The following GPM6A variants were observed in gnomAD, a reference collection of about 807,000 sequenced individuals.
GPM6A encodes the protein neuronal membrane glycoprotein M6-a.
GPM6A carries 7 observed loss-of-function variants against 32.1 expected under a neutral mutation model. That is an observed-to-expected ratio of 0.22 (90% CI 0.12 to 0.41). GPM6A has a LOEUF of 0.41. GPM6A is among the 10% of genes least tolerant of loss of function. GPM6A has a pLI of 1.00. For missense variants in GPM6A, 235 were observed against 347.2 expected (o/e 0.68, Z 2.57); for synonymous variants, 130 against 123.4 (o/e 1.05, Z -0.35).
chr4:175,662,331 G>A (rs1742472901), intron 3 of GPM6A, among the ~76,000 whole-genome samples: 2 of 152,112 alleles, frequency 1.3e-5, no homozygotes, highest in South Asian at 4.1e-4. Flanking sequence ...CAGGCTCGGT[G>A]GCTCACACCT....
At chr4:175,721,533 C>T (rs577390054) in intron 1 of GPM6A, among the ~76,000 whole-genome samples, 116 of 151,400 alleles carry the variant, frequency 7.7e-4, no homozygotes, top group Non-Finnish European at 1.4e-3. Flanking sequence ...TGGTAAGGGG[C>T]GAAGGACTGG....
intron 1 of GPM6A, among the ~76,000 whole-genome samples, chr4:175,801,452 A>G (rs1734469053): frequency 6.6e-6 from 1 of 152,090 alleles, no homozygotes. Context: ...TATATCTATA[A>G]TATAGACAAA....
At chr4:175,932,536 A>T (rs1017177334) in intron 1 of GPM6A, among the ~76,000 whole-genome samples, 3 of 152,240 alleles carry the variant, frequency 2.0e-5, no homozygotes, top group Non-Finnish European at 4.4e-5. Context: ...TTTTATGGCT[A>T]TACAAACAAA....
chr4:175,755,974 T>C (rs1732507853), intron 1 of GPM6A, among the ~76,000 whole-genome samples: 1 of 152,060 alleles, frequency 6.6e-6, no homozygotes, highest in Admixed American at 6.6e-5. Context: ...AAAGGCAAGC[T>C]TTGTATTGAG....
chr4:175,861,749 G>GAAAAAAAAAAAAAAAAAAA (rs10716525), intron 1 of GPM6A, among the ~76,000 whole-genome samples: 1 of 87,242 alleles, frequency 1.1e-5, no homozygotes. Flanking sequence ...AAGAGACTCT[G>GAAAAAAAAAAAAAAAAAAA]AAAAAAAAAA....
At chr4:175,981,795 A>C (rs1482062999) in intron 1 of GPM6A, among the ~76,000 whole-genome samples, 1 of 152,170 alleles carries the variant, frequency 6.6e-6, no homozygotes, top group Non-Finnish European at 1.5e-5. Flanking sequence ...TTTTATAAAA[A>C]ACAGCCAAGC....
intron 1 of GPM6A, among the ~76,000 whole-genome samples, chr4:175,903,294 AG>A (rs1218724496): frequency 6.7e-6 from 1 of 149,308 alleles, no homozygotes; most frequent in Non-Finnish European, 1.5e-5. Flanking sequence ...TGAAAAAAAA[AG>A]AATCAATGAG....
chr4:175,697,065 T>C (rs1397147590), intron 2 of GPM6A, among the ~76,000 whole-genome samples: 1 of 152,160 alleles, frequency 6.6e-6, no homozygotes, highest in Admixed American at 6.6e-5. Context: ...AAAAAATTAA[T>C]AAAATTTTGA....
At chr4:175,728,128 T>A (rs1164099766) in intron 1 of GPM6A, among the ~76,000 whole-genome samples, 2 of 152,136 alleles carry the variant, frequency 1.3e-5, no homozygotes, top group African/African-American at 4.8e-5. Flanking sequence ...TGATTAGTAT[T>A]CATCATCATA....
chr4:175,700,082 C>T (rs1382403918), intron 2 of GPM6A, among the ~76,000 whole-genome samples: 4 of 151,820 alleles, frequency 2.6e-5, no homozygotes, highest in South Asian at 2.1e-4. Flanking sequence ...AGGCTGGTCT[C>T]GAACTCCTGG....
At chr4:175,827,386 C>A (rs554910729) in intron 1 of GPM6A, among the ~76,000 whole-genome samples, 5 of 152,260 alleles carry the variant, frequency 3.3e-5, no homozygotes, top group Middle Eastern at 3.4e-3. Flanking sequence ...TTCAAAATAA[C>A]CCTGTGAGGT....
intron 1 of GPM6A, among the ~76,000 whole-genome samples, chr4:175,838,407 T>C (rs1185611467): frequency 6.7e-6 from 1 of 150,016 alleles, no homozygotes; most frequent in Non-Finnish European, 1.5e-5. Context: ...GATAGGGTGA[T>C]GTATATATCT....
At chr4:175,671,638 C>T (rs1426211379) in intron 3 of GPM6A, among the ~76,000 whole-genome samples, 2 of 152,046 alleles carry the variant, frequency 1.3e-5, no homozygotes, top group Non-Finnish European at 2.9e-5. Context: ...GAATGGTTGG[C>T]AGAGGGGAAG....
chr4:175,651,907 G>T lies in GPM6A; in HGVS notation c.468C>A (p.Phe156Leu), dbSNP rs750110827. Residue 156 changes from phenylalanine to leucine, a missense_variant, in exon 4 of 7, where the codon TTC becomes TTA. This residue lies in a region of GPM6A where 107 missense variants were observed against 116.7 expected (regional missense o/e 0.92). Coordinates refer to ENST00000393658, the MANE Select transcript of GPM6A (RefSeq NM_201591.3). The stretch of plus-strand genomic sequence containing the variant: ...TGTTCCGGCAGATGGTCCACAGATT[G>T]AAGTACATGTAAACTGGCAGTGAGG... ...AFTSLPVYMY[F>L]NLWTICRNTT... 1 of 1,613,038 alleles carries T rather than the reference G, an allele frequency of 6.2e-7. No individual in the cohort carries two copies. Among genetic ancestry groups the T allele is most frequent in the Non-Finnish European group, 8.5e-7 (1 of 1,179,192 alleles).
intron 1 of GPM6A, among the ~76,000 whole-genome samples, chr4:175,908,627 T>C (rs1225701744): frequency 6.6e-6 from 1 of 152,128 alleles, no homozygotes; most frequent in African/African-American, 2.4e-5. Flanking sequence ...ATAGGAAAGT[T>C]GCCTTAGCTG....
At chr4:175,951,264 G>A (rs1241707877) in intron 1 of GPM6A, among the ~76,000 whole-genome samples, 1 of 152,118 alleles carries the variant, frequency 6.6e-6, no homozygotes, top group African/African-American at 2.4e-5. Context: ...TATTTCATGT[G>A]AAAATACTAC....
At position 175,634,795 on chromosome 4, in the gene GPM6A, A is replaced by C; in HGVS notation, c.*110T>G. 1.3e-6 allele frequency: 1 copy of C among 766,412 alleles called. No homozygotes were observed. Among genetic ancestry groups the C allele is most frequent in the Admixed American group, 2.3e-5 (1 of 42,994 alleles). The allele number at this position is 766,412 out of a possible 1,614,324, so 47.5% of individuals were successfully genotyped here. On this transcript the variant is annotated 3_prime_UTR_variant, in exon 7 of 7. Transcript: ENST00000393658. ...TCAGGTGATTCATAAGTCACCTTACATATCATTGATGAGAAGCACTTTCGT... is the reference window on the plus strand; with the variant it reads ...TCAGGTGATTCATAAGTCACCTTACCTATCATTGATGAGAAGCACTTTCGT...
intron 1 of GPM6A, among the ~76,000 whole-genome samples, chr4:175,742,690 A>G (rs1456691011): frequency 1.3e-5 from 2 of 152,220 alleles, no homozygotes; most frequent in Non-Finnish European, 2.9e-5. Context: ...GGAATTTCAA[A>G]GCTAGCTATA....
At chr4:175,667,057 A>G (rs1579360657) in intron 3 of GPM6A, among the ~76,000 whole-genome samples, 2 of 152,210 alleles carry the variant, frequency 1.3e-5, no homozygotes, top group South Asian at 2.1e-4. Flanking sequence ...AGAAACTTCA[A>G]GGTTTTAAGT....
Sources: gnomAD v4.1 joint callset for allele counts (sites outside exome capture counted in the v4.1 genomes callset) on GRCh38, gnomAD v4.1.1 for gene constraint, gnomAD v4.1.1 regional missense constraint, MANE v1.5 for transcripts, NCBI Gene and HGNC (gene_info 2026-07-23, HGNC 2026-07-21) for gene names.